Variants in ARHGAP26 observed in about 807,000 individuals in gnomAD.
The protein encoded by ARHGAP26 is rho GTPase-activating protein 26.
In ARHGAP26, 38 loss-of-function variants were observed where a neutral mutation model predicts 104.8. The ratio of observed to expected loss-of-function variants is 0.36; its 90% CI spans 0.28 to 0.48. The LOEUF is 0.48. ARHGAP26 is among the 20% of genes least tolerant of loss of function. The probability of loss-of-function intolerance (pLI) is 0.99; values close to 1 mark genes in which losing one functional copy is unlikely to be tolerated. For synonymous variants in ARHGAP26, 341 were observed against 340.0 expected (o/e 1.00, Z -0.03); for missense variants, 704 against 947.9 (o/e 0.74, Z 3.38).
chr5:143,171,507 GGA>G (rs780754569), intron 20 of ARHGAP26, among the ~76,000 whole-genome samples: 34 of 152,202 alleles, frequency 2.2e-4, no homozygotes, highest in Non-Finnish European at 4.4e-4. Context: ...ATCACAAGGA[GGA>G]GAGGGGAGGG....
chr5:143,207,665 G>A (rs1808784135), intron 21 of ARHGAP26, among the ~76,000 whole-genome samples: 1 of 152,172 alleles, frequency 6.6e-6, no homozygotes, highest in South Asian at 2.1e-4. Context: ...AACCTCTCTG[G>A]TGCCTAGAGT....
intron 17 of ARHGAP26, among the ~76,000 whole-genome samples, chr5:143,093,669 CTT>C (rs973015155): frequency 6.6e-6 from 1 of 151,986 alleles, no homozygotes; most frequent in Non-Finnish European, 1.5e-5. Flanking sequence ...CTCTCTCTCT[CTT>C]TCCCCCTTTC....
chr5:142,966,929 G>T (rs2152687586), intron 11 of ARHGAP26, among the ~76,000 whole-genome samples: 1 of 152,262 alleles, frequency 6.6e-6, no homozygotes, highest in South Asian at 2.1e-4. Context: ...GCAGAAAAAT[G>T]CTTAGCCAAT....
chr5:143,023,007 T>A (rs1034279919), intron 12 of ARHGAP26, among the ~76,000 whole-genome samples: 1 of 152,216 alleles, frequency 6.6e-6, no homozygotes, highest in Non-Finnish European at 1.5e-5. Context: ...ACCACCTCAT[T>A]AGAGCCCTCA....
chr5:142,873,375 A>C (rs1319192686), intron 1 of ARHGAP26, 25 bp from the exon 2 acceptor site: 5 of 1,574,686 alleles, frequency 3.2e-6, no homozygotes, highest in Non-Finnish European at 4.3e-6. Context: ...GTAATTCCTG[A>C]TTTTTCCTGT....
chr5:142,863,106 GTTT>G (rs747130987), intron 1 of ARHGAP26, among the ~76,000 whole-genome samples: 1 of 141,962 alleles, frequency 7.0e-6, no homozygotes, highest in African/African-American at 2.6e-5. Flanking sequence ...TTCAAGTGAG[GTTT>G]TTTTTTTTTT....
At chr5:142,842,616 G>A (rs1295008795) in intron 1 of ARHGAP26, among the ~76,000 whole-genome samples, 2 of 152,118 alleles carry the variant, frequency 1.3e-5, no homozygotes, top group Non-Finnish European at 2.9e-5. Context: ...CCCAATAATT[G>A]ATCTAAAAGT....
chr5:142,806,130 T>G (rs1762943429), intron 1 of ARHGAP26, among the ~76,000 whole-genome samples: 1 of 152,208 alleles, frequency 6.6e-6, no homozygotes, highest in South Asian at 2.1e-4. Context: ...GTCTTGCTGT[T>G]TTGCCCAGGC....
intron 12 of ARHGAP26, among the ~76,000 whole-genome samples, chr5:143,021,938 A>G (rs1780392460): frequency 6.6e-6 from 1 of 152,194 alleles, no homozygotes; most frequent in Non-Finnish European, 1.5e-5. Context: ...GTATTTCTCA[A>G]AGTGGGGTGT....
chr5:143,155,583 C>G (rs931962138), intron 20 of ARHGAP26, among the ~76,000 whole-genome samples: 1 of 152,094 alleles, frequency 6.6e-6, no homozygotes, highest in Non-Finnish European at 1.5e-5. Context: ...GGTTTCTTTC[C>G]CAAGCACCAG....
chr5:142,888,636 G>T (rs1758053412), intron 5 of ARHGAP26, among the ~76,000 whole-genome samples: 1 of 152,144 alleles, frequency 6.6e-6, no homozygotes, highest in Admixed American at 6.6e-5. Flanking sequence ...CCCATCCCTA[G>T]ATCCCTGGAA....
chr5:143,192,373 A>G (rs1263889440), intron 20 of ARHGAP26: 4 of 152,312 alleles, frequency 2.6e-5, no homozygotes, highest in Non-Finnish European at 5.9e-5. Context: ...AGGTTAAAGC[A>G]TACTCATGGC....
intron 21 of ARHGAP26, among the ~76,000 whole-genome samples, chr5:143,212,736 A>G (rs754510041): frequency 1.3e-5 from 2 of 152,220 alleles, no homozygotes; most frequent in Non-Finnish European, 2.9e-5. Context: ...GTGGCTCACA[A>G]AGCCTGAAAT....
intron 12 of ARHGAP26, among the ~76,000 whole-genome samples, chr5:143,015,678 G>A (rs1779493153): frequency 6.6e-6 from 1 of 152,198 alleles, no homozygotes; most frequent in African/African-American, 2.4e-5. Flanking sequence ...ACCTGGCCCT[G>A]CCTGGGACAC....
rs564231955 is a variant in ARHGAP26, at chr5:142,929,096, C to T, written c.1029-2951C>T. Among the ~76,000 whole-genome samples the T allele has an allele frequency of 4.6e-5, 7 of 152,266 alleles. No homozygotes were observed. The East Asian group carries it at 5.8e-4, about 13-fold the overall frequency. On this transcript the variant is annotated intron_variant, in intron 10 of 22. Transcript: ENST00000645722. ...GGGACTACAGGCGTGTGCTACCACGCCCAGCTAATTTTTGTATTTTTTAGT... is the reference window on the plus strand; with the variant it reads ...GGGACTACAGGCGTGTGCTACCACGTCCAGCTAATTTTTGTATTTTTTAGT...
chr5:142,818,217 T>TAA (rs35009928), intron 1 of ARHGAP26, among the ~76,000 whole-genome samples: 1,514 of 140,848 alleles, frequency 0.011, 14 homozygotes, highest in Admixed American at 0.016. Context: ...CCAATTATTG[T>TAA]AAAAAAAAAA....
chr5:143,015,299 C>T (rs2152821962), intron 12 of ARHGAP26, among the ~76,000 whole-genome samples: 1 of 152,242 alleles, frequency 6.6e-6, no homozygotes, highest in South Asian at 2.1e-4. Context: ...GCAAAAACAA[C>T]AGTAACAATA....
At chr5:142,855,938 G>C (rs1304418946) in intron 1 of ARHGAP26, among the ~76,000 whole-genome samples, 1 of 152,218 alleles carries the variant, frequency 6.6e-6, no homozygotes, top group Non-Finnish European at 1.5e-5. Context: ...CAATAAATGA[G>C]TGGTCTTTAT....
intron 1 of ARHGAP26, among the ~76,000 whole-genome samples, chr5:142,782,997 AC>A (rs1335067502): frequency 6.6e-6 from 1 of 151,990 alleles, no homozygotes; most frequent in Non-Finnish European, 1.5e-5. Context: ...AATTTCCTAT[AC>A]CCCCGCCCCC....
Sources: allele counts gnomAD v4.1 joint callset (sites outside exome capture counted in the v4.1 genomes callset), GRCh38; gene constraint gnomAD v4.1.1; transcripts MANE v1.5; gene names NCBI Gene and HGNC (gene_info 2026-07-23, HGNC 2026-07-21).